Variants in APOBEC3D observed in about 807,000 individuals in gnomAD.
The protein encoded by APOBEC3D is DNA dC->dU-editing enzyme APOBEC-3D.
A neutral mutation model predicts 45.6 loss-of-function variants in APOBEC3D; 37 were observed. The observed-to-expected ratio is 0.81, with a 90% CI of 0.62 to 1.07. The LOEUF (loss-of-function observed/expected upper bound fraction) is 1.07, where lower values mean the gene tolerates loss of function less well. APOBEC3D is among the 50% of genes least tolerant of loss of function. The probability of loss-of-function intolerance (pLI) is 0.00; values close to 1 mark genes in which losing one functional copy is unlikely to be tolerated. For synonymous variants in APOBEC3D, 175 were observed against 180.7 expected, an observed-to-expected ratio of 0.97 and a Z score of 0.25; for missense variants, 496 against 495.3, an observed-to-expected ratio of 1.00 and a Z score of -0.01.
intron 2 of APOBEC3D, 92 bp downstream of exon 2, chr22:39,023,106 TC>T (rs769483343): frequency 2.6e-6 from 2 of 775,446 alleles, no homozygotes; most frequent in Non-Finnish European, 3.3e-6. Flanking sequence ...ATTTATTTTT[TC>T]TATTTATTTA....
chr22:39,029,986 T>TG (rs1482595130), intron 5 of APOBEC3D, among the ~76,000 whole-genome samples: 2 of 151,814 alleles, frequency 1.3e-5, no homozygotes, highest in Non-Finnish European at 2.9e-5. Context: ...CGAGGGGTTT[T>TG]GCCTCTTACC....
intron 4 of APOBEC3D, among the ~76,000 whole-genome samples, chr22:39,027,272 G>C (rs6001389): frequency 6.7e-4 from 102 of 152,212 alleles, no homozygotes; most frequent in African/African-American, 2.5e-3. Context: ...GGCACGCATG[G>C]CATCCTGGGG....
At chr22:39,029,334 G>A in intron 4 of APOBEC3D, 29 bp from the exon 5 acceptor site, 1 of 1,613,276 alleles carries the variant, frequency 6.2e-7, no homozygotes, top group South Asian at 1.1e-5. Flanking sequence ...AGGAATCTCT[G>A]CACTGGGGTT....
At chr22:39,021,762 C>T (rs566086453) in intron 1 of APOBEC3D, among the ~76,000 whole-genome samples, 1 of 152,324 alleles carries the variant, frequency 6.6e-6, no homozygotes, top group South Asian at 2.1e-4. Context: ...GTCCAGGCCC[C>T]CTCCTGAGAC....
chr22:39,031,661 G>A, intron 5 of APOBEC3D, 33 bp from the exon 6 acceptor site: 1 of 1,610,146 alleles, frequency 6.2e-7, no homozygotes, highest in South Asian at 1.1e-5. Context: ...CCTGGTCTGA[G>A]CTCCCCCTGC....
chr22:39,029,319 C>T, intron 4 of APOBEC3D, 44 bp from the exon 5 acceptor site: 3 of 1,609,158 alleles, frequency 1.9e-6, no homozygotes, highest in Non-Finnish European at 2.5e-6. Context: ...TGGGCATCAG[C>T]TCCGAGGAAT....
intron 5 of APOBEC3D, among the ~76,000 whole-genome samples, chr22:39,031,175 T>A (rs975761548): frequency 1.3e-5 from 2 of 150,692 alleles, no homozygotes; most frequent in African/African-American, 2.4e-5. Context: ...CAGAAAAAAA[T>A]AATAAAAAAA....
intron 6 of APOBEC3D, 38 bp from the exon 7 acceptor site, chr22:39,032,160 G>C: frequency 6.2e-7 from 1 of 1,607,564 alleles, no homozygotes; most frequent in Non-Finnish European, 8.5e-7. Context: ...AGAGAGGCTT[G>C]CTGGGCCCTC....
rs1569061320 is a variant in APOBEC3D at position 39,031,884 on chromosome 22, G to A, written c.953G>A (p.Arg318His). 3.7e-6 allele frequency: 6 copies of A among 1,614,160 alleles called. No homozygotes were observed. The highest frequency in any genetic ancestry group is 2.2e-5 in the South Asian group (2 of 91,076). ...SNVNLTIFTA[R>H]LCYFWDTDYQ... ...GTGAATCTCACCATCTTCACCGCCCGCCTCTGCTACTTCTGGGATACAGAT... is the reference window on the plus strand; with the variant it reads ...GTGAATCTCACCATCTTCACCGCCCACCTCTGCTACTTCTGGGATACAGAT... Residue 318 changes from arginine to histidine, a missense_variant, in exon 6 of 7, where the codon CGC becomes CAC. Arg to His is a conservative substitution (Grantham distance 29). Coordinates refer to ENST00000216099, the MANE Select transcript of APOBEC3D (RefSeq NM_152426.4).
At position 39,032,184 on chromosome 22, in the gene APOBEC3D, T is replaced by C; in HGVS notation, c.1043-14T>C. ...TGCTGGGCCCTCACTGCTTTCTCCT[T>C]GTTTTTTTCTCAGATTTTGTATCTT... On this transcript the variant is annotated splice_polypyrimidine_tract_variant and intron_variant, in intron 6 of 6. Coordinates refer to ENST00000216099, the MANE Select transcript of APOBEC3D (RefSeq NM_152426.4). The C allele has an allele frequency of 1.9e-6, 3 of 1,613,444 alleles. No homozygotes were observed. In the South Asian group the frequency reaches 3.3e-5, roughly 18 times the overall value.
chr22:39,026,652 C>G (rs143754864), intron 4 of APOBEC3D, among the ~76,000 whole-genome samples: 10 of 152,198 alleles, frequency 6.6e-5, no homozygotes, highest in Admixed American at 6.5e-4. Flanking sequence ...GCTGGGCCTC[C>G]GGCTCACGCC....
chr22:39,021,705 T>G (rs1057125577), intron 1 of APOBEC3D, among the ~76,000 whole-genome samples, 169 bp downstream of exon 1: 1 of 152,002 alleles, frequency 6.6e-6, no homozygotes, highest in Non-Finnish European at 1.5e-5. Context: ...TGCTGTGTGG[T>G]CGCCCCACTG....
chr22:39,022,719 G>C, intron 1 of APOBEC3D, 103 bp from the exon 2 acceptor site: 1 of 1,438,938 alleles, frequency 6.9e-7, no homozygotes, highest in Non-Finnish European at 9.3e-7. Flanking sequence ...TGGAGGGGTG[G>C]GGGAGGCCCA....
At chr22:39,032,109 G>A in intron 6 of APOBEC3D, 89 bp from the exon 7 acceptor site, 1 of 1,584,132 alleles carries the variant, frequency 6.3e-7, no homozygotes, top group Non-Finnish European at 8.6e-7. Context: ...GCAACTGGCA[G>A]CCAGGAGACC....
At position 39,025,606 on chromosome 22, in the gene APOBEC3D, C is replaced by T; in HGVS notation, c.540C>T (p.Phe180=). 1 of 1,614,154 alleles carries T rather than the reference C, an allele frequency of 6.2e-7. No individual in the cohort carries two copies. The highest frequency in any genetic ancestry group is 8.5e-7 in the Non-Finnish European group (1 of 1,180,014). ...ENFVCNEGQP[F]MPWYKFDDNY... ...TTGTGTGCAATGAAGGTCAGCCATT[C>T]ATGCCTTGGTACAAATTCGATGACA... The change falls in exon 4 of 7, where the codon TTC becomes TTT. Residue 180 remains phenylalanine, a synonymous_variant. Transcript: ENST00000216099.
chr22:39,024,310 A>G (rs998555800), intron 2 of APOBEC3D, among the ~76,000 whole-genome samples: 2 of 152,194 alleles, frequency 1.3e-5, no homozygotes, highest in African/African-American at 4.8e-5. Context: ...GGGACAGCGC[A>G]GGTCCAGTGG....
At chr22:39,025,738 C>A in intron 4 of APOBEC3D, 67 bp downstream of exon 4, 20 of 1,607,112 alleles carry the variant, frequency 1.2e-5, no homozygotes, top group Non-Finnish European at 1.7e-5. Flanking sequence ...CTGAGGACTC[C>A]CCTGGCTGGG....
At position 39,032,259 on chromosome 22, in the gene APOBEC3D, G is replaced by A; in HGVS notation, c.1104G>A (p.Lys368=). ...ATGATGAGCCATTCAAGCCTTGGAA[G>A]GGACTACAAACCAACTTTCGACTTC... ...YSDDEPFKPW[K]GLQTNFRLLK... The change falls in exon 7 of 7, where the codon AAG becomes AAA. Residue 368 remains lysine, a synonymous_variant. Transcript: ENST00000216099. 1 of 1,614,200 alleles carries A rather than the reference G, an allele frequency of 6.2e-7. No individual in the cohort carries two copies. The highest frequency in any genetic ancestry group is 8.5e-7 in the Non-Finnish European group (1 of 1,180,032).
chr22:39,023,065 G>GCTCTCAACT, intron 2 of APOBEC3D, 51 bp downstream of exon 2: 1 of 1,374,518 alleles, frequency 7.3e-7, no homozygotes, highest in Non-Finnish European at 9.5e-7. Flanking sequence ...CTGGCGGCGG[G>GCTCTCAACT]CTCTCAACTG....
Sources: allele counts gnomAD v4.1 joint callset (sites outside exome capture counted in the v4.1 genomes callset), GRCh38; gene constraint gnomAD v4.1.1; transcripts MANE v1.5; gene names NCBI Gene and HGNC (gene_info 2026-07-23, HGNC 2026-07-21).